KDM4C: variants seen among roughly 807,000 people sequenced by gnomAD.
KDM4C encodes lysine demethylase 4C.
KDM4C carries 81 observed loss-of-function variants against 129.3 expected under a neutral mutation model. The ratio of observed to expected loss-of-function variants is 0.63; its 90% CI spans 0.52 to 0.75. The LOEUF (loss-of-function observed/expected upper bound fraction) is 0.75. Among genes scored for constraint, KDM4C ranks in the 30% least tolerant of loss-of-function variants. The pLI is 0.00. For synonymous variants in KDM4C, 573 were observed against 456.1 expected (o/e 1.26, Z -3.26); for missense variants, 1,457 against 1,304.0 (o/e 1.12, Z -1.81).
chr9:7,130,940 T>A (rs1305887415), intron 19 of KDM4C, among the ~76,000 whole-genome samples: 3 of 150,802 alleles, frequency 2.0e-5, no homozygotes, highest in Admixed American at 1.3e-4. Context: ...TTTTTTTTTT[T>A]AATTTTTTTG....
intron 15 of KDM4C, among the ~76,000 whole-genome samples, chr9:7,034,509 T>C (rs1329077784): frequency 6.6e-6 from 1 of 152,200 alleles, no homozygotes; most frequent in African/African-American, 2.4e-5. Context: ...GTTCCTTCCA[T>C]GTTGTTGCAA....
At chr9:7,024,823 A>G (rs1192154481) in intron 15 of KDM4C, among the ~76,000 whole-genome samples, 1 of 152,174 alleles carries the variant, frequency 6.6e-6, no homozygotes, top group Non-Finnish European at 1.5e-5. Context: ...TAGCAGCATG[A>G]TTTATAATCC....
intron 15 of KDM4C, among the ~76,000 whole-genome samples, chr9:7,041,965 C>T (rs985569168): frequency 6.6e-6 from 1 of 152,032 alleles, no homozygotes; most frequent in African/African-American, 2.4e-5. Context: ...TTGCTTTTTG[C>T]ACCTCAAGAG....
intron 8 of KDM4C, among the ~76,000 whole-genome samples, chr9:6,965,719 G>A (rs1337517096): frequency 1.3e-5 from 2 of 152,210 alleles, no homozygotes; most frequent in African/African-American, 2.4e-5. Context: ...ACTCCAGGGA[G>A]AGGCAGGGTC....
intron 8 of KDM4C, among the ~76,000 whole-genome samples, chr9:6,954,980 G>T (rs138632379): frequency 1.3e-5 from 2 of 152,214 alleles, no homozygotes; most frequent in Non-Finnish European, 2.9e-5. Flanking sequence ...GGGACTTTCT[G>T]TTGGAAGAGT....
intron 16 of KDM4C, among the ~76,000 whole-genome samples, chr9:7,048,307 G>A (rs779769032): frequency 6.6e-6 from 1 of 152,056 alleles, no homozygotes; most frequent in Non-Finnish European, 1.5e-5. Context: ...CTCTTCCTGT[G>A]GTCTTGAAAG....
chr9:7,040,726 C>G (rs1458612014), intron 15 of KDM4C, among the ~76,000 whole-genome samples: 2 of 151,558 alleles, frequency 1.3e-5, no homozygotes, highest in African/African-American at 2.4e-5. Context: ...TACCTATTTG[C>G]CTTCACAATT....
chr9:7,017,131 C>T (rs1393925838), intron 15 of KDM4C, among the ~76,000 whole-genome samples: 1 of 152,104 alleles, frequency 6.6e-6, no homozygotes, highest in Non-Finnish European at 1.5e-5. Flanking sequence ...GAGACAAGGT[C>T]TCACTATGTT....
At chr9:7,064,963 C>G (rs895472263) in intron 17 of KDM4C, among the ~76,000 whole-genome samples, 2 of 152,130 alleles carry the variant, frequency 1.3e-5, no homozygotes, top group Admixed American at 6.5e-5. Context: ...TATATTCTCT[C>G]TTAGAATAAA....
intron 4 of KDM4C, among the ~76,000 whole-genome samples, chr9:6,843,421 AG>A (rs2129919451): frequency 6.6e-6 from 1 of 152,344 alleles, no homozygotes; most frequent in East Asian, 1.9e-4. Context: ...CTGTCCTATA[AG>A]GTAGGCATGT....
intron 1 of KDM4C, 68 bp from the exon 2 acceptor site, chr9:6,792,904 C>G: frequency 6.7e-7 from 1 of 1,488,140 alleles, no homozygotes; most frequent in Non-Finnish European, 9.3e-7. Context: ...AGCTGACATA[C>G]TATTTGTTAA....
At chr9:6,854,968 G>C (rs1046751672) in intron 5 of KDM4C, among the ~76,000 whole-genome samples, 2 of 152,090 alleles carry the variant, frequency 1.3e-5, no homozygotes, top group Non-Finnish European at 2.9e-5. Context: ...AGATGGTTTT[G>C]GCACCCACCT....
intron 8 of KDM4C, among the ~76,000 whole-genome samples, chr9:6,919,247 T>TTTTCTTTCTTTCTTTC (rs141381388): frequency 5.6e-5 from 6 of 106,278 alleles, no homozygotes; most frequent in African/African-American, 7.4e-5. Flanking sequence ...TCTTTCTTTC[T>TTTTCTTTCTTTCTTTC]TTTCTTTCTT....
chr9:6,835,403 C>A, intron 4 of KDM4C: 1 of 1,144,178 alleles, frequency 8.7e-7, no homozygotes, highest in Non-Finnish European at 1.3e-6. Flanking sequence ...AAGGAGATCA[C>A]CGCCCTGGCG....
intron 4 of KDM4C, among the ~76,000 whole-genome samples, chr9:6,842,020 A>T (rs1418135634): frequency 6.6e-6 from 1 of 152,208 alleles, no homozygotes; most frequent in East Asian, 1.9e-4. Flanking sequence ...GAACAGAGAG[A>T]TAAAACATGC....
chr9:6,788,068 C>G (rs1469563830), intron 1 of KDM4C, among the ~76,000 whole-genome samples: 2 of 152,196 alleles, frequency 1.3e-5, no homozygotes, highest in Non-Finnish European at 2.9e-5. Context: ...CTAAAATGTT[C>G]TTCTTCCAGA....
intron 12 of KDM4C, among the ~76,000 whole-genome samples, chr9:7,002,824 G>A (rs1309441263): frequency 6.6e-6 from 1 of 152,194 alleles, no homozygotes; most frequent in African/African-American, 2.4e-5. Flanking sequence ...GTAGATAACA[G>A]GCTTTAAATA....
intron 15 of KDM4C, among the ~76,000 whole-genome samples, chr9:7,034,276 C>G (rs1016530902): frequency 1.3e-5 from 2 of 152,158 alleles, no homozygotes; most frequent in Non-Finnish European, 1.5e-5. Flanking sequence ...TCATCCTACA[C>G]TGGTATAGAC....
intron 21 of KDM4C, chr9:7,170,614 T>C: frequency 1.1e-6 from 1 of 949,330 alleles, no homozygotes; most frequent in Non-Finnish European, 1.3e-6. Context: ...AAGTCAGTTT[T>C]ATTCATTTAG....
Sources: gnomAD v4.1 joint callset for allele counts (sites outside exome capture counted in the v4.1 genomes callset) on GRCh38, gnomAD v4.1.1 for gene constraint, MANE v1.5 for transcripts, NCBI Gene and HGNC (gene_info 2026-07-23, HGNC 2026-07-21) for gene names.